The following PLCB2 variants were observed in gnomAD, a reference collection of about 807,000 sequenced individuals.
PLCB2 encodes phospholipase C beta 2.
A neutral mutation model predicts 141.7 loss-of-function variants in PLCB2; 115 were observed. The ratio of observed to expected loss-of-function variants is 0.81; its 90% confidence interval spans 0.70 to 0.95. The LOEUF (loss-of-function observed/expected upper bound fraction) is 0.95. Ranked by LOEUF, PLCB2 falls within the 40% of genes least tolerant of loss-of-function variation. PLCB2 has a pLI of 0.00. For synonymous variants in PLCB2, 603 were observed against 595.6 expected (o/e 1.01, Z -0.18); for missense variants, 1,403 against 1,541.1 (o/e 0.91, Z 1.50).
chr15:40,292,025 C>T, intron 23 of PLCB2, 39 bp downstream of exon 23: 1 of 1,608,410 alleles, frequency 6.2e-7, no homozygotes, highest in Non-Finnish European at 8.5e-7. Context: ...TAGGGCTAAT[C>T]TCTGGTGAGC....
chr15:40,291,077 G>C lies in PLCB2; in HGVS notation c.2977C>G (p.Arg993Gly), dbSNP rs1234308401. 1.9e-6 allele frequency: 3 copies of C among 1,590,058 alleles called. No individual in the cohort carries two copies. The highest frequency in any genetic ancestry group is 2.6e-6 in the Non-Finnish European group (3 of 1,176,008). ...CACTCGTACTGCTCCTCGCCCTGCC[G>C]CAGCAGCTCCAGCTCCAGCCTGTCT... ...LKDRLELELL[R>G]QGEEQYECVL... Residue 993 changes from arginine to glycine, a missense_variant, in exon 27 of 32, where the codon CGG becomes GGG. By Grantham distance (125) the Arg-to-Gly change is moderately radical (BLOSUM62 -2). Around this residue, in one of 4 missense-constraint regions of PLCB2, gnomAD observed 290 missense variants for 245.9 expected, o/e 1.18. Transcript: ENST00000260402.
intron 16 of PLCB2, among the ~76,000 whole-genome samples, chr15:40,295,858 T>C (rs2141094758): frequency 6.6e-6 from 1 of 152,208 alleles, no homozygotes; most frequent in African/African-American, 2.4e-5. Context: ...GTACTGTGCT[T>C]GTGTCCAGAG....
At chr15:40,285,649 G>A, downstream of PLCB2, 4 of 985,396 alleles carry the variant, frequency 4.1e-6, no homozygotes, top group Non-Finnish European at 2.4e-6. Context: ...TTACTCAGCA[G>A]AAGAAAGGCT....
At position 40,298,377 on chromosome 15, in the gene PLCB2, C is replaced by A. The variant is rs1174538978; in HGVS notation, c.1001G>T (p.Gly334Val). The A allele has an allele frequency of 6.3e-7, 1 of 1,581,830 alleles. No individual in the cohort carries two copies. The highest frequency in any genetic ancestry group is 8.6e-7 in the Non-Finnish European group (1 of 1,160,398). ...AGCCGAGGAGAGGCCTGAGAACTGGCCGGCTGAGCCAGAGGATGGGGAAGA... is the reference window on the plus strand; with the variant it reads ...AGCCGAGGAGAGGCCTGAGAACTGGACGGCTGAGCCAGAGGATGGGGAAGA... Reference protein sequence around the residue: ...NSSHNTYLTAGQFSGLSSAEM... With the variant: ...NSSHNTYLTAVQFSGLSSAEM... The change falls in exon 11 of 32, where the codon GGC becomes GTC. Residue 334 changes from glycine to valine, a missense_variant. Physicochemically the swap from Gly to Val is moderately radical, Grantham distance 109. Transcript: ENST00000260402.
At chr15:40,301,822 G>A in intron 7 of PLCB2, 135 bp downstream of exon 7, 1 of 775,172 alleles carries the variant, frequency 1.3e-6, no homozygotes, top group Non-Finnish European at 2.2e-6. Flanking sequence ...AGCAGCTCCA[G>A]GGTTGATTGG....
rs1259580216 is a variant in PLCB2 at position 40,299,232 on chromosome 15, G to A, written c.583-4C>T. 1 of 1,600,894 alleles carries A rather than the reference G, an allele frequency of 6.2e-7. No individual in the cohort carries two copies. On this transcript the variant is annotated splice_region_variant and splice_polypyrimidine_tract_variant and intron_variant, in intron 7 of 31. Transcript: ENST00000260402. Reference sequence around the variant, plus strand: ...CCTCAGGATTGATGGCGTCATTCTAGGGGCATAGTAACCTTATTGCCCCTG... The same window carrying A: ...CCTCAGGATTGATGGCGTCATTCTAAGGGCATAGTAACCTTATTGCCCCTG...
chr15:40,302,399 G>A, intron 4 of PLCB2, 50 bp from the exon 5 acceptor site: 1 of 1,612,484 alleles, frequency 6.2e-7, no homozygotes. Flanking sequence ...CCCCCGCCCA[G>A]GCCTGTGTCT....
chr15:40,299,062 AGGT>A (rs2040380889), intron 8 of PLCB2, 63 bp downstream of exon 8: 2 of 1,560,416 alleles, frequency 1.3e-6, no homozygotes, highest in Non-Finnish European at 1.8e-6. Context: ...CCGGCATGGC[AGGT>A]GGGAGGAGGG....
downstream of PLCB2, chr15:40,285,347 A>G: frequency 5.4e-6 from 1 of 185,032 alleles, no homozygotes; most frequent in Non-Finnish European, 1.0e-5. Context: ...GCTTGAAGGC[A>G]TTTACTAGCA....
rs1444478035 is a variant in PLCB2 at position 40,288,682 on chromosome 15, C to G, written c.*33G>C. 6.5e-7 allele frequency: 1 copy of G among 1,538,074 alleles called. No homozygotes were observed. The highest frequency in any genetic ancestry group is 2.0e-5 in the Admixed American group (1 of 51,136). ...CCACATCCCAGAGAAGGGGCTGAACCTCCTTGCTAAATGTCCCAGTGGGAT... is the reference window on the plus strand; with the variant it reads ...CCACATCCCAGAGAAGGGGCTGAACGTCCTTGCTAAATGTCCCAGTGGGAT... On this transcript the variant is annotated 3_prime_UTR_variant, in exon 32 of 32. Transcript: ENST00000260402.
chr15:40,289,050 G>T, intron 31 of PLCB2, 132 bp from the exon 32 acceptor site: 2 of 1,364,696 alleles, frequency 1.5e-6, no homozygotes, highest in Middle Eastern at 2.7e-4. Context: ...TGAGAGGCAG[G>T]GTGGGGGAGT....
At chr15:40,303,801 T>C (rs1374630245) in intron 2 of PLCB2, 200 bp downstream of exon 2, 1 of 556,862 alleles carries the variant, frequency 1.8e-6, no homozygotes, top group Non-Finnish European at 3.2e-6. Context: ...ATGGAACATT[T>C]GGGTAGCCAC....
chr15:40,303,191 TC>T (rs1323777210), intron 3 of PLCB2, 96 bp downstream of exon 3: 35 of 896,210 alleles, frequency 3.9e-5, no homozygotes, highest in South Asian at 3.2e-4. Flanking sequence ...TCCCCGTGCT[TC>T]AGAAGTCAGG....
At position 40,307,621 on chromosome 15, in the gene PLCB2, T is replaced by A; in HGVS notation, c.52A>T (p.Ser18Cys). ...CATTTGATGAAGCGCTCCCCTTGGCTCAGATAGGCCTTCACCTTGGGGGGC... is the reference window on the plus strand; with the variant it reads ...CATTTGATGAAGCGCTCCCCTTGGCACAGATAGGCCTTCACCTTGGGGGGC... The part of the protein sequence containing the change: ...LLPPKVKAYL[S>C]QGERFIKWDD... The change falls in exon 1 of 32, where the codon AGC becomes TGC. Residue 18 changes from serine to cysteine, a missense_variant. Transcript: ENST00000260402. 6.3e-7 allele frequency: 1 copy of A among 1,589,170 alleles called. No individual in the cohort carries two copies. Among genetic ancestry groups the A allele is most frequent in the African/African-American group, 1.3e-5 (1 of 74,172 alleles).
chr15:40,304,856 C>T (rs1482282310), intron 1 of PLCB2, among the ~76,000 whole-genome samples: 2 of 152,190 alleles, frequency 1.3e-5, no homozygotes, highest in African/African-American at 2.4e-5. Context: ...AGCACATAGG[C>T]TACCTTTTAG....
chr15:40,302,775 C>T (rs902985499), intron 3 of PLCB2, among the ~76,000 whole-genome samples, 166 bp from the exon 4 acceptor site: 46 of 152,306 alleles, frequency 3.0e-4, no homozygotes, highest in Non-Finnish European at 3.5e-4. Context: ...CTGACTCCAG[C>T]GGCTGGGATG....
rs894052794 is a variant in PLCB2, at chr15:40,290,626, G to A, written c.3160C>T (p.Arg1054Trp). The change falls in exon 29 of 32, where the codon CGG becomes TGG. Residue 1054 changes from arginine (R) to tryptophan (W), a missense_variant. This residue lies in a region of PLCB2 where 290 missense variants were observed against 245.9 expected (regional missense o/e 1.18). Coordinates refer to ENST00000260402, the MANE Select transcript of PLCB2 (RefSeq NM_004573.3). ...GTGACTTTGGTCATGCCCTGGATCC[G>A]CTCCAGTCTCTTTGTCTCCAGCTTT... ...KKKLETKRLE[R>W]IQGMTKVTTD... 18 of 1,614,006 alleles carry A rather than the reference G, an allele frequency of 1.1e-5. No individual in the cohort carries two copies. Among genetic ancestry groups the A allele is most frequent in the Middle Eastern group, 1.6e-4 (1 of 6,084 alleles).
rs1227006050 is a variant in PLCB2 at position 40,303,368 on chromosome 15, G to A, written c.163-12C>T. 6.2e-7 allele frequency: 1 copy of A among 1,606,910 alleles called. No homozygotes were observed. Among genetic ancestry groups the A allele is most frequent in the African/African-American group, 1.3e-5 (1 of 74,786 alleles). ...AGAAACTCCATCTCCTGGGGGCAGGGTGCGGATCCCGGTGGGAGCAAAGAA... is the reference window on the plus strand; with the variant it reads ...AGAAACTCCATCTCCTGGGGGCAGGATGCGGATCCCGGTGGGAGCAAAGAA... On this transcript the variant is annotated splice_polypyrimidine_tract_variant and intron_variant, in intron 2 of 31. Coordinates refer to ENST00000260402, the MANE Select transcript of PLCB2 (RefSeq NM_004573.3).
At chr15:40,287,811 G>T, downstream of PLCB2, 1 of 500,936 alleles carries the variant, frequency 2.0e-6, no homozygotes, top group Non-Finnish European at 2.6e-6. Flanking sequence ...CAGCTCCCAA[G>T]AGATTTTTTT....
Sources: allele counts gnomAD v4.1 joint callset (sites outside exome capture counted in the v4.1 genomes callset), GRCh38; gene constraint gnomAD v4.1.1; regional missense constraint gnomAD v4.1.1; transcripts MANE v1.5; gene names NCBI Gene and HGNC (gene_info 2026-07-23, HGNC 2026-07-21).